SUGCT: variants seen among roughly 807,000 people sequenced by gnomAD.
SUGCT encodes the protein succinyl-CoA:glutarate CoA-transferase.
SUGCT carries 41 observed loss-of-function variants against 55.0 expected under a neutral mutation model. That is an observed-to-expected ratio of 0.74 (90% CI 0.58 to 0.97). The LOEUF (loss-of-function observed/expected upper bound fraction) is 0.97, where lower values mean the gene tolerates loss of function less well. Ranked by LOEUF, SUGCT falls within the 50% of genes least tolerant of loss-of-function variation. SUGCT has a pLI of 0.00. For synonymous variants in SUGCT, 187 were observed against 200.4 expected (o/e 0.93, Z 0.56); for missense variants, 568 against 547.8 (o/e 1.04, Z -0.37).
the SUGCT span, among the ~76,000 whole-genome samples, chr7:41,033,388 A>G: frequency 8.3e-4 from 127 of 152,174 alleles, no homozygotes; most frequent in Middle Eastern, 3.4e-3. Context: ...TTCCCTGATT[A>G]TCTGTTGGCT....
the SUGCT span, among the ~76,000 whole-genome samples, chr7:41,034,762 G>A: frequency 1.3e-5 from 2 of 151,986 alleles, no homozygotes; most frequent in African/African-American, 4.8e-5. Flanking sequence ...CTTCTTTCTG[G>A]TCTTTTGAGG....
chr7:40,923,642 G>C, the SUGCT span, among the ~76,000 whole-genome samples: 1 of 152,216 alleles, frequency 6.6e-6, no homozygotes, highest in East Asian at 1.9e-4. Flanking sequence ...TCTTCTTGGG[G>C]ACCACCAGAT....
chr7:40,152,895 CAGGG>C (rs1788654012), intron 1 of SUGCT: 1 of 155,210 alleles, frequency 6.4e-6, no homozygotes, highest in Non-Finnish European at 1.4e-5. Flanking sequence ...TTAGTAGAGA[CAGGG>C]TTTCACCATA....
chr7:40,435,956 T>C (rs1340647420), intron 9 of SUGCT, among the ~76,000 whole-genome samples: 4 of 149,918 alleles, frequency 2.7e-5, no homozygotes, highest in Non-Finnish European at 4.5e-5. Context: ...TTTTTTTTTT[T>C]TTTTTGAGAT....
At chr7:41,003,394 A>C in the SUGCT span, among the ~76,000 whole-genome samples, 28 of 152,342 alleles carry the variant, frequency 1.8e-4, 1 homozygote, top group Admixed American at 1.6e-3. Flanking sequence ...TTTAAAGCAT[A>C]TATTTGGGTA....
intron 12 of SUGCT, among the ~76,000 whole-genome samples, chr7:40,566,438 A>G (rs1481843060): frequency 6.6e-6 from 1 of 152,106 alleles, no homozygotes; most frequent in Non-Finnish European, 1.5e-5. Flanking sequence ...TCTCTCTTAC[A>G]CTTTTCAAAT....
chr7:40,642,817 C>A (rs1800329728), intron 12 of SUGCT, among the ~76,000 whole-genome samples: 1 of 152,098 alleles, frequency 6.6e-6, no homozygotes, highest in Admixed American at 6.5e-5. Context: ...TTTAGAAACA[C>A]CCACCTCACC....
At chr7:40,595,899 T>G (rs770873605) in intron 12 of SUGCT, among the ~76,000 whole-genome samples, 2 of 152,206 alleles carry the variant, frequency 1.3e-5, no homozygotes, top group Non-Finnish European at 2.9e-5. Context: ...TTCATCAAAG[T>G]TACTGGTACC....
chr7:40,504,131 T>C (rs1224408831), intron 12 of SUGCT, among the ~76,000 whole-genome samples: 1 of 152,246 alleles, frequency 6.6e-6, no homozygotes, highest in Non-Finnish European at 1.5e-5. Flanking sequence ...TTTATAAAGG[T>C]ACTTATAACA....
chr7:40,268,630 A>G (rs190044837), intron 7 of SUGCT, among the ~76,000 whole-genome samples: 25 of 151,792 alleles, frequency 1.6e-4, no homozygotes, highest in African/African-American at 5.6e-4. Context: ...GTGAGGACAC[A>G]TGCTTTCATT....
chr7:40,299,943 C>T (rs529302342), intron 8 of SUGCT, among the ~76,000 whole-genome samples: 1 of 152,164 alleles, frequency 6.6e-6, no homozygotes, highest in South Asian at 2.1e-4. Flanking sequence ...TTAATTAGAA[C>T]AGCCAGTATA....
At chr7:40,482,046 T>A (rs1216607099) in intron 11 of SUGCT, among the ~76,000 whole-genome samples, 1 of 152,186 alleles carries the variant, frequency 6.6e-6, no homozygotes, top group Non-Finnish European at 1.5e-5. Context: ...CGTGAATAAA[T>A]ATTAAAATGT....
At chr7:40,501,159 A>G (rs1792261781) in intron 12 of SUGCT, among the ~76,000 whole-genome samples, 1 of 152,220 alleles carries the variant, frequency 6.6e-6, no homozygotes, top group South Asian at 2.1e-4. Context: ...AGATAAAAAC[A>G]TAAATTTTAT....
At chr7:40,276,328 G>A (rs1792476596) in intron 8 of SUGCT, among the ~76,000 whole-genome samples, 1 of 152,116 alleles carries the variant, frequency 6.6e-6, no homozygotes, top group African/African-American at 2.4e-5. Flanking sequence ...GGTAGGGTAA[G>A]CAACTGCATA....
At chr7:40,612,371 G>C (rs750684749) in intron 12 of SUGCT, among the ~76,000 whole-genome samples, 2 of 152,084 alleles carry the variant, frequency 1.3e-5, no homozygotes, top group African/African-American at 4.8e-5. Flanking sequence ...ATACTTGCTC[G>C]CAGGCCCTTA....
intron 8 of SUGCT, among the ~76,000 whole-genome samples, chr7:40,312,702 G>A (rs1433931002): frequency 6.6e-6 from 1 of 152,194 alleles, no homozygotes; most frequent in African/African-American, 2.4e-5. Context: ...TCTCTTGCTT[G>A]CTGGCTGGGA....
intron 13 of SUGCT, among the ~76,000 whole-genome samples, chr7:40,854,474 T>TTCTTTCTTTCTTTCTC (rs1377565978): frequency 4.4e-5 from 6 of 135,330 alleles, no homozygotes; most frequent in Non-Finnish European, 9.7e-5. Context: ...CTTTCTTTCT[T>TTCTTTCTTTCTTTCTC]TCTCTTTCTC....
At chr7:40,797,534 G>A (rs1271995461) in intron 13 of SUGCT, among the ~76,000 whole-genome samples, 2 of 152,140 alleles carry the variant, frequency 1.3e-5, no homozygotes. Context: ...CTGGTCAACA[G>A]AACTCTCAGT....
chr7:40,738,643 T>A, intron 12 of SUGCT, among the ~76,000 whole-genome samples: 1 of 152,206 alleles, frequency 6.6e-6, no homozygotes, highest in East Asian at 1.9e-4. Flanking sequence ...CTGAAACAGA[T>A]AATTATTCTA....
Sources: gnomAD v4.1 joint callset for allele counts (sites outside exome capture counted in the v4.1 genomes callset) on GRCh38, gnomAD v4.1.1 for gene constraint, MANE v1.5 for transcripts, NCBI Gene and HGNC (gene_info 2026-07-23, HGNC 2026-07-21) for gene names.